The following CSMD3 variants were observed in gnomAD, a reference collection of about 807,000 sequenced individuals.
The protein encoded by CSMD3 is CUB and Sushi multiple domains 3.
Under a neutral mutation model 435.2 loss-of-function variants are expected in CSMD3, and 177 were observed. The ratio of observed to expected loss-of-function variants is 0.41; its 90% CI spans 0.36 to 0.46. The LOEUF (loss-of-function observed/expected upper bound fraction) is 0.46. CSMD3 is among the 20% of genes least tolerant of loss of function. CSMD3 has a pLI of 0.34. For synonymous variants in CSMD3, 1,656 were observed against 1,520.5 expected (o/e 1.09, Z -2.07); for missense variants, 4,265 against 4,504.6 (o/e 0.95, Z 1.52).
At chr8:112,496,899 G>T in intron 30 of CSMD3, among the ~76,000 whole-genome samples, 1 of 151,960 alleles carries the variant, frequency 6.6e-6, no homozygotes, top group African/African-American at 2.4e-5. Context: ...GCACAACAGG[G>T]CAACTATAGT....
At chr8:113,364,783 A>T (rs184316039) in intron 1 of CSMD3, among the ~76,000 whole-genome samples, 24 of 152,204 alleles carry the variant, frequency 1.6e-4, no homozygotes, top group Admixed American at 4.6e-4. Flanking sequence ...TGCTAAAACT[A>T]TATTTCTTTA....
In CSMD3 at chr8:112,313,572, C is replaced by A. The variant is rs544670858; in HGVS notation, c.7696+334G>T. The stretch of plus-strand genomic sequence containing the variant: ...AAATCACAGTTTAATTTATAACTGA[C>A]ATATAAGTCATAAATATCCTAAATG... On this transcript the variant is annotated intron_variant, in intron 49 of 70. Transcript: ENST00000297405. 1.1e-3 allele frequency among the ~76,000 whole-genome samples: 167 copies of A among 152,014 alleles called. 2 individuals are homozygous for A. Among genetic ancestry groups the A allele is most frequent in the Middle Eastern group, 6.9e-3 (2 of 290 alleles).
intron 3 of CSMD3, among the ~76,000 whole-genome samples, chr8:113,255,852 A>T (rs2093375625): frequency 6.6e-6 from 1 of 151,898 alleles, no homozygotes. Flanking sequence ...TTATAAATTA[A>T]CAGTGAACCG....
chr8:112,721,381 C>G (rs1248167366), intron 13 of CSMD3, among the ~76,000 whole-genome samples: 6 of 151,996 alleles, frequency 3.9e-5, no homozygotes, highest in Admixed American at 3.9e-4. Flanking sequence ...TTCAAATCAG[C>G]CTGGCCAACA....
intron 3 of CSMD3, among the ~76,000 whole-genome samples, chr8:113,206,876 A>G (rs2132056043): frequency 6.6e-6 from 1 of 152,318 alleles, no homozygotes; most frequent in South Asian, 2.1e-4. Flanking sequence ...CAATTCTTGT[A>G]CAAATATTCT....
intron 58 of CSMD3, among the ~76,000 whole-genome samples, 163 bp downstream of exon 58, chr8:112,286,901 A>G (rs1819263865): frequency 6.6e-6 from 1 of 152,140 alleles, no homozygotes; most frequent in African/African-American, 2.4e-5. Context: ...GGTTATAGTT[A>G]TCTTAGGAGA....
chr8:112,662,356 A>C (rs2131687160), intron 17 of CSMD3, among the ~76,000 whole-genome samples: 1 of 152,274 alleles, frequency 6.6e-6, no homozygotes, highest in East Asian at 1.9e-4. Context: ...CAGAGCCCTC[A>C]GAAATAATGC....
intron 1 of CSMD3, among the ~76,000 whole-genome samples, chr8:113,403,028 A>G (rs779142613): frequency 7.9e-5 from 12 of 151,474 alleles, no homozygotes; most frequent in Middle Eastern, 6.8e-3. Flanking sequence ...CTCTGAATGT[A>G]AAGACCAATT....
At position 112,573,662 on chromosome 8, in the gene CSMD3, A is replaced by G; in HGVS notation, c.3886-5T>C. ...TTTATCTTTTCCATCATAAATCTGC[A>G]AAATATATTTATAATTAAAATGTAA... On this transcript the variant is annotated splice_region_variant and splice_polypyrimidine_tract_variant and intron_variant, in intron 23 of 70. Coordinates refer to ENST00000297405, the MANE Select transcript of CSMD3 (RefSeq NM_198123.2). 1 of 1,579,932 alleles carries G rather than the reference A, an allele frequency of 6.3e-7. No homozygotes were observed. Among genetic ancestry groups the G allele is most frequent in the Non-Finnish European group, 8.7e-7 (1 of 1,149,498 alleles).
chr8:112,838,809 GT>G (rs2080100255), intron 11 of CSMD3, among the ~76,000 whole-genome samples: 1 of 151,790 alleles, frequency 6.6e-6, no homozygotes, highest in Admixed American at 6.6e-5. Flanking sequence ...TGTTAATGAT[GT>G]TTAAGTAATA....
chr8:112,779,446 A>T (rs984502410), intron 13 of CSMD3, among the ~76,000 whole-genome samples: 6 of 152,078 alleles, frequency 3.9e-5, no homozygotes, highest in Non-Finnish European at 8.8e-5. Flanking sequence ...TAGCCTATGA[A>T]CTTTTTTCCC....
intron 4 of CSMD3, among the ~76,000 whole-genome samples, chr8:113,148,891 G>T (rs932892504): frequency 6.6e-6 from 1 of 151,388 alleles, no homozygotes; most frequent in Non-Finnish European, 1.5e-5. Context: ...TTTAATTACA[G>T]TTTTCTAAAG....
chr8:113,253,849 AAAAG>A (rs967260611), intron 3 of CSMD3, among the ~76,000 whole-genome samples: 5 of 149,976 alleles, frequency 3.3e-5, no homozygotes, highest in African/African-American at 1.2e-4. Context: ...AAAAAAAAAA[AAAAG>A]AAAAGAAAAG....
intron 2 of CSMD3, among the ~76,000 whole-genome samples, chr8:113,308,856 A>C (rs2093844704): frequency 6.6e-6 from 1 of 152,228 alleles, no homozygotes; most frequent in Admixed American, 6.5e-5. Flanking sequence ...GATGTTATTT[A>C]GTTTAAGAAA....
At chr8:112,407,271 G>A (rs1164952903) in intron 34 of CSMD3, among the ~76,000 whole-genome samples, 3 of 151,904 alleles carry the variant, frequency 2.0e-5, no homozygotes, top group African/African-American at 2.4e-5. Context: ...TAGAATATAT[G>A]TCAGACAGAT....
intron 61 of CSMD3, 79 bp downstream of exon 61, chr8:112,263,560 G>A (rs964445289): frequency 8.6e-7 from 1 of 1,169,098 alleles, no homozygotes; most frequent in South Asian, 1.3e-5. Context: ...AGGCATTGAA[G>A]GAAGCTTAAC....
chr8:112,549,535 A>G (rs1827488987), intron 27 of CSMD3, among the ~76,000 whole-genome samples: 1 of 152,064 alleles, frequency 6.6e-6, no homozygotes, highest in Non-Finnish European at 1.5e-5. Flanking sequence ...CAATTGTTTA[A>G]CTGTATAATT....
chr8:112,428,626 T>TA (rs767311633), intron 32 of CSMD3, among the ~76,000 whole-genome samples: 5 of 152,144 alleles, frequency 3.3e-5, no homozygotes, highest in Non-Finnish European at 4.4e-5. Context: ...AGCAAATACT[T>TA]ACCACCCTGT....
At chr8:113,157,758 T>C (rs2091961368) in intron 4 of CSMD3, among the ~76,000 whole-genome samples, 1 of 152,132 alleles carries the variant, frequency 6.6e-6, no homozygotes, top group East Asian at 1.9e-4. Flanking sequence ...AGCACAGCTC[T>C]CTCTGAATAC....
Sources: gnomAD v4.1 joint callset for allele counts (sites outside exome capture counted in the v4.1 genomes callset) on GRCh38, gnomAD v4.1.1 for gene constraint, MANE v1.5 for transcripts, NCBI Gene and HGNC (gene_info 2026-07-23, HGNC 2026-07-21) for gene names.